Variants in KIF25 observed in about 807,000 individuals in gnomAD.
KIF25 encodes kinesin-like protein KIF25.
In KIF25, 19 loss-of-function variants were observed where a neutral mutation model predicts 32.9. The ratio of observed to expected loss-of-function variants is 0.58; its 90% CI spans 0.40 to 0.85. The LOEUF (loss-of-function observed/expected upper bound fraction) is 0.85, where lower values mean the gene tolerates loss of function less well. KIF25 is among the 40% of genes least tolerant of loss of function. KIF25 has a pLI of 0.00. For synonymous variants in KIF25, 225 were observed against 213.7 expected (o/e 1.05, Z -0.46); for missense variants, 485 against 507.0 (o/e 0.96, Z 0.42).
intron 4 of KIF25, among the ~76,000 whole-genome samples, chr6:168,004,196 A>G (rs2114866172): frequency 6.6e-6 from 1 of 152,290 alleles, no homozygotes; most frequent in South Asian, 2.1e-4. Context: ...GACACCTCGC[A>G]TCTGGGCCAG....
intron 5 of KIF25, among the ~76,000 whole-genome samples, chr6:168,018,668 G>A (rs1340980288): frequency 2.6e-5 from 4 of 152,188 alleles, no homozygotes; most frequent in Admixed American, 6.5e-5. Context: ...GGTGGTAGGA[G>A]AGCCCCGGAA....
chr6:168,038,498 C>T (rs1044253326), intron 8 of KIF25, 55 bp from the exon 9 acceptor site: 1 of 1,585,632 alleles, frequency 6.3e-7, no homozygotes, highest in African/African-American at 1.3e-5. Flanking sequence ...TTGGCTTACA[C>T]TGAAAATCAC....
chr6:168,001,560 AGGTGAGAAGACACCTGAGGCG>A (rs1329310106), intron 2 of KIF25, among the ~76,000 whole-genome samples: 4 of 97,524 alleles, frequency 4.1e-5, no homozygotes, highest in African/African-American at 1.4e-4. Flanking sequence ...GGCCTCGGGC[AGGTGAGAAGACACCTGAGGCG>A]TGGCCTCGGG....
At chr6:168,026,053 G>T (rs534561430) in intron 5 of KIF25, among the ~76,000 whole-genome samples, 33 of 152,180 alleles carry the variant, frequency 2.2e-4, no homozygotes, top group Non-Finnish European at 4.3e-4. Flanking sequence ...AGAGGAAGCT[G>T]CGGGGGGCAC....
At chr6:168,044,663 C>T (rs931297217) in intron 12 of KIF25, among the ~76,000 whole-genome samples, 164 bp from the exon 13 acceptor site, 5 of 152,258 alleles carry the variant, frequency 3.3e-5, no homozygotes, top group Non-Finnish European at 5.9e-5. Flanking sequence ...TGCTGACCCT[C>T]CTGGACCCCC....
chr6:168,038,423 A>G (rs2114910057), intron 8 of KIF25, 130 bp from the exon 9 acceptor site: 3 of 831,042 alleles, frequency 3.6e-6, no homozygotes, highest in Non-Finnish European at 3.9e-6. Flanking sequence ...GGTATGTAAC[A>G]TGCAGCCCTC....
At chr6:168,005,046 C>T (rs564313040) in intron 4 of KIF25, among the ~76,000 whole-genome samples, 7 of 152,302 alleles carry the variant, frequency 4.6e-5, no homozygotes, top group Admixed American at 1.3e-4. Context: ...TAGAATGAGA[C>T]GTGTCAGCCT....
At chr6:168,010,994 T>A (rs1324357892) in intron 4 of KIF25, among the ~76,000 whole-genome samples, 4 of 151,770 alleles carry the variant, frequency 2.6e-5, no homozygotes, top group Non-Finnish European at 5.9e-5. Context: ...AGACTATACG[T>A]CTCTTTACAG....
intron 2 of KIF25, among the ~76,000 whole-genome samples, chr6:168,002,055 C>T (rs1230200742): frequency 8.5e-6 from 1 of 117,798 alleles, no homozygotes; most frequent in Non-Finnish European, 1.8e-5. Flanking sequence ...TGAGGCATGG[C>T]CTCGGGCAGG....
chr6:168,024,645 C>T (rs1416284197), intron 5 of KIF25, among the ~76,000 whole-genome samples: 1 of 151,830 alleles, frequency 6.6e-6, no homozygotes, highest in Non-Finnish European at 1.5e-5. Context: ...ACATAATTGG[C>T]CAAGGATGGA....
chr6:168,023,269 C>CTTT (rs34667438), intron 5 of KIF25, among the ~76,000 whole-genome samples: 2 of 111,914 alleles, frequency 1.8e-5, no homozygotes, highest in South Asian at 3.3e-4. Context: ...TTCCTTCTTC[C>CTTT]TTTTTTTTTT....
At chr6:168,017,077 G>A (rs551525955) in intron 4 of KIF25, among the ~76,000 whole-genome samples, 2 of 152,358 alleles carry the variant, frequency 1.3e-5, no homozygotes, top group African/African-American at 2.4e-5. Context: ...AGCTGCCCAC[G>A]ACTGCCCGTC....
intron 4 of KIF25, 87 bp downstream of exon 4, chr6:168,003,790 T>C (rs946129133): frequency 6.6e-6 from 1 of 152,234 alleles, no homozygotes; most frequent in African/African-American, 2.4e-5. Flanking sequence ...TTAGGCTTTC[T>C]TAGTTAAGAA....
At chr6:168,007,131 C>T (rs1798590120) in intron 4 of KIF25, among the ~76,000 whole-genome samples, 5 of 152,214 alleles carry the variant, frequency 3.3e-5, no homozygotes, top group Admixed American at 3.3e-4. Flanking sequence ...AGTTTTACAA[C>T]TGAGCATGGT....
Position 168,042,156 on chromosome 6 carries a change from G to T in KIF25, c.829+5G>T. The T allele has an allele frequency of 6.5e-7, 1 of 1,546,666 alleles. No homozygotes were observed. Among genetic ancestry groups the T allele is most frequent in the African/African-American group, 1.4e-5 (1 of 73,108 alleles). On this transcript the variant is annotated splice_donor_5th_base_variant and intron_variant, in intron 11 of 12. Coordinates refer to ENST00000643607, the MANE Select transcript of KIF25 (RefSeq NM_030615.4). ...CGGCCGGCAGCGAGTGCGTTGGTGA[G>T]CAGGGGCAGGCATTTCCCTGGGGGG... is the stretch of plus-strand genomic sequence containing the variant.
chr6:168,040,713 GA>G (rs1799107207), intron 10 of KIF25, among the ~76,000 whole-genome samples: 1 of 152,154 alleles, frequency 6.6e-6, no homozygotes, highest in South Asian at 2.1e-4. Context: ...AGGCTGAGAA[GA>G]AAAAGTGAGA....
Position 168,042,588 on chromosome 6 carries a change from TGAGG to T in KIF25, c.861_864del (p.Glu288TrpfsTer48). 2 of 1,613,916 alleles carry T rather than the reference TGAGG, an allele frequency of 1.2e-6. No individual in the cohort carries two copies. The highest frequency in any genetic ancestry group is 2.7e-5 in the African/African-American group (2 of 75,054). ...GTGTCTGGAGTGACCGGGTTGGCCCTGAGGGAGATGGCGTGCATCAGCCGCAGCC... is the reference window on the plus strand; with the variant it reads ...GTGTCTGGAGTGACCGGGTTGGCCCTGAGATGGCGTGCATCAGCCGCAGCC... On this transcript the variant is annotated frameshift_variant, in exon 12 of 13. Transcript: ENST00000643607. LOFTEE classifies it high-confidence loss of function.
At chr6:168,007,335 C>T (rs1341513570) in intron 4 of KIF25, among the ~76,000 whole-genome samples, 21 of 152,082 alleles carry the variant, frequency 1.4e-4, no homozygotes, top group Admixed American at 1.1e-3. Flanking sequence ...CGCTTGAATC[C>T]GGGAGGCAGA....
chr6:168,005,847 G>A (rs1303509853), intron 4 of KIF25, among the ~76,000 whole-genome samples: 2 of 152,190 alleles, frequency 1.3e-5, no homozygotes, highest in African/African-American at 4.8e-5. Context: ...TGACTCCAAT[G>A]TTAATTTCCT....
Sources: allele counts gnomAD v4.1 joint callset (sites outside exome capture counted in the v4.1 genomes callset), GRCh38; gene constraint gnomAD v4.1.1; transcripts MANE v1.5; gene names NCBI Gene and HGNC (gene_info 2026-07-23, HGNC 2026-07-21).